The following EPM2A variants were observed in gnomAD, a reference collection of about 807,000 sequenced individuals.
EPM2A encodes laforin.
Under a neutral mutation model 26.5 loss-of-function variants are expected in EPM2A, and 21 were observed. The ratio of observed to expected loss-of-function variants is 0.79; its 90% confidence interval spans 0.56 to 1.14. The LOEUF (loss-of-function observed/expected upper bound fraction) is 1.14, where lower values mean the gene tolerates loss of function less well. EPM2A is among the 50% of genes most tolerant of loss of function. The pLI, the probability that EPM2A is intolerant of heterozygous loss-of-function variation, is 0.00. For missense variants in EPM2A, 458 were observed against 440.8 expected (o/e 1.04, Z -0.35); for synonymous variants, 217 against 177.6 (o/e 1.22, Z -1.76).
chr6:145,495,682 AT>A (rs1304996825), intron 4 of EPM2A, among the ~76,000 whole-genome samples: 1 of 152,154 alleles, frequency 6.6e-6, no homozygotes, highest in Non-Finnish European at 1.5e-5. Flanking sequence ...GGTTCAAGCA[AT>A]TCTCATGCCT....
At chr6:145,491,426 A>G (rs1779753781) in intron 4 of EPM2A, among the ~76,000 whole-genome samples, 3 of 152,142 alleles carry the variant, frequency 2.0e-5, no homozygotes, top group Non-Finnish European at 2.9e-5. Flanking sequence ...AGGACCCTCC[A>G]TCCCCAGCTG....
chr6:145,505,625 C>A (rs529837496), intron 2 of EPM2A, among the ~76,000 whole-genome samples: 1 of 152,192 alleles, frequency 6.6e-6, no homozygotes, highest in Admixed American at 6.5e-5. Context: ...AAACAAAAAA[C>A]CCTACACTTA....
chr6:145,482,856 A>G (rs959496971), intron 4 of EPM2A, among the ~76,000 whole-genome samples: 1 of 139,062 alleles, frequency 7.2e-6, no homozygotes, highest in African/African-American at 2.8e-5. Context: ...GTCTTAAATT[A>G]TAGCTATTCT....
intron 4 of EPM2A, among the ~76,000 whole-genome samples, chr6:145,390,835 C>T (rs928130511): frequency 2.0e-5 from 3 of 152,140 alleles, no homozygotes; most frequent in Non-Finnish European, 4.4e-5. Flanking sequence ...AATGTTCTCA[C>T]TAGTCCAACA....
At chr6:145,721,955 C>T (rs1361341925) in intron 1 of EPM2A, among the ~76,000 whole-genome samples, 1 of 152,162 alleles carries the variant, frequency 6.6e-6, no homozygotes, top group Non-Finnish European at 1.5e-5. Context: ...GAGCATGCAA[C>T]ACTACTTTCT....
At chr6:145,643,536 T>C (rs1777237358) in intron 2 of EPM2A, among the ~76,000 whole-genome samples, 1 of 152,210 alleles carries the variant, frequency 6.6e-6, no homozygotes, top group Non-Finnish European at 1.5e-5. Context: ...TGGTTTAAAT[T>C]TAACTCATAT....
At chr6:145,515,472 G>C (rs1056213437) in intron 2 of EPM2A, among the ~76,000 whole-genome samples, 2 of 152,186 alleles carry the variant, frequency 1.3e-5, no homozygotes, top group Admixed American at 6.5e-5. Context: ...AAACTGAGAA[G>C]TCCAAGATCA....
chr6:145,495,866 C>T (rs749640919), intron 4 of EPM2A, among the ~76,000 whole-genome samples: 4 of 152,148 alleles, frequency 2.6e-5, no homozygotes, highest in Non-Finnish European at 2.9e-5. Flanking sequence ...TGAGCCACTG[C>T]GCCTGGCCTA....
At chr6:145,536,485 C>CG (rs1375082943) in intron 2 of EPM2A, among the ~76,000 whole-genome samples, 1 of 152,048 alleles carries the variant, frequency 6.6e-6, no homozygotes, top group South Asian at 2.1e-4. Context: ...TTAGTAGAGA[C>CG]GGGGTCTCAC....
At chr6:145,554,811 A>C (rs940589132) in intron 2 of EPM2A, among the ~76,000 whole-genome samples, 3 of 152,064 alleles carry the variant, frequency 2.0e-5, no homozygotes, top group African/African-American at 7.2e-5. Flanking sequence ...ACACATTAAA[A>C]CCATAGCTCA....
intron 3 of EPM2A, chr6:145,634,955 C>T: frequency 3.0e-6 from 1 of 332,608 alleles, no homozygotes; most frequent in Non-Finnish European, 5.6e-6. Flanking sequence ...TCCGTGGGGG[C>T]AGAAGTTGTG....
At chr6:145,687,875 C>A (rs961480807) in intron 1 of EPM2A, among the ~76,000 whole-genome samples, 17 of 152,070 alleles carry the variant, frequency 1.1e-4, no homozygotes, top group Middle Eastern at 3.2e-3. Flanking sequence ...TGCTGCACCA[C>A]ATCTCTATTA....
At chr6:145,571,244 C>T (rs1780951355) in intron 2 of EPM2A, among the ~76,000 whole-genome samples, 1 of 152,080 alleles carries the variant, frequency 6.6e-6, no homozygotes, top group Admixed American at 6.5e-5. Context: ...GAACTTAGCC[C>T]CAGTCCTGCA....
intron 2 of EPM2A, among the ~76,000 whole-genome samples, chr6:145,514,798 AT>A: frequency 6.6e-6 from 1 of 152,336 alleles, no homozygotes; most frequent in Non-Finnish European, 1.5e-5. Flanking sequence ...TTGCTCCAAA[AT>A]TATCAATAGT....
chr6:145,491,936 C>A, intron 4 of EPM2A: 1 of 469,470 alleles, frequency 2.1e-6, no homozygotes, highest in Non-Finnish European at 4.2e-6. Context: ...CTGCAAGCAG[C>A]CAAAAGAGCC....
chr6:145,708,566 C>T (rs556631713), intron 1 of EPM2A, among the ~76,000 whole-genome samples: 1 of 152,304 alleles, frequency 6.6e-6, no homozygotes, highest in South Asian at 2.1e-4. Context: ...GGTGTTGAGC[C>T]TGTGGATGCA....
At chr6:145,684,318 A>C (rs777675523) in intron 2 of EPM2A, among the ~76,000 whole-genome samples, 3 of 152,186 alleles carry the variant, frequency 2.0e-5, no homozygotes, top group Non-Finnish European at 4.4e-5. Context: ...AGGAGAAGAA[A>C]TAATCATTCA....
At chr6:145,422,057 G>GTA (rs67264730) in intron 4 of EPM2A, among the ~76,000 whole-genome samples, 44,653 of 131,266 alleles carry the variant, frequency 0.34, 8,575 homozygotes, top group Middle Eastern at 0.46. Flanking sequence ...ATATATGAGT[G>GTA]TATATATATA....
At chr6:145,410,080 T>C (rs1397210521) in intron 4 of EPM2A, among the ~76,000 whole-genome samples, 1 of 152,196 alleles carries the variant, frequency 6.6e-6, no homozygotes, top group Admixed American at 6.6e-5. Flanking sequence ...GGAGCCTTCT[T>C]GGATGCTGGC....
Sources: gnomAD v4.1 joint callset for allele counts (sites outside exome capture counted in the v4.1 genomes callset) on GRCh38, gnomAD v4.1.1 for gene constraint, MANE v1.5 for transcripts, NCBI Gene and HGNC (gene_info 2026-07-23, HGNC 2026-07-21) for gene names.